Variants in ESCO1 observed in about 807,000 individuals in gnomAD.
ESCO1 encodes the protein establishment of sister chromatid cohesion N-acetyltransferase 1.
Under a neutral mutation model 83.5 loss-of-function variants are expected in ESCO1, and 33 were observed. The ratio of observed to expected loss-of-function variants is 0.40; its 90% CI spans 0.30 to 0.53. The LOEUF (loss-of-function observed/expected upper bound fraction) is 0.53. ESCO1 is among the 20% of genes least tolerant of loss of function. ESCO1 has a pLI of 0.63. For synonymous variants in ESCO1, 332 were observed against 324.3 expected (o/e 1.02, Z -0.25); for missense variants, 855 against 968.0 (o/e 0.88, Z 1.55).
At chr18:21,585,626 C>G (rs1039835802) in intron 1 of ESCO1, among the ~76,000 whole-genome samples, 2 of 152,020 alleles carry the variant, frequency 1.3e-5, no homozygotes, top group African/African-American at 2.4e-5. Flanking sequence ...CTTTGCTACT[C>G]TTTTTCTTTT....
chr18:21,586,404 C>A (rs1255004713), intron 1 of ESCO1, among the ~76,000 whole-genome samples: 1 of 152,204 alleles, frequency 6.6e-6, no homozygotes, highest in Non-Finnish European at 1.5e-5. Flanking sequence ...CACATTTTAT[C>A]CATTCATCTG....
At chr18:21,573,291 T>C in intron 4 of ESCO1, 23 bp downstream of exon 4, 1 of 1,533,734 alleles carries the variant, frequency 6.5e-7, no homozygotes, top group Non-Finnish European at 8.7e-7. Flanking sequence ...GCACCTCTAT[T>C]GTGCATAATA....
rs762874098 is a variant in ESCO1, at chr18:21,574,433, G to A, written c.411C>T (p.Arg137=). The A allele has an allele frequency of 3.1e-6, 5 of 1,614,074 alleles. No individual in the cohort carries two copies. In the South Asian group the frequency reaches 4.4e-5, roughly 14 times the overall value. Reference sequence around the variant, plus strand: ...GAACTTGACCCTGAATTTCTCTACTGCGTAACGACCTTCTTGAAACCTCTG... The same window carrying A: ...GAACTTGACCCTGAATTTCTCTACTACGTAACGACCTTCTTGAAACCTCTG... ...QLTEVSRRSL[R]SREIQGQVQA... Residue 137 remains arginine, a synonymous_variant, in exon 4 of 12, where the codon CGC becomes CGT. Transcript: ENST00000269214.
At chr18:21,598,939 A>T (rs2038801942) in intron 1 of ESCO1, among the ~76,000 whole-genome samples, 1 of 152,010 alleles carries the variant, frequency 6.6e-6, no homozygotes, top group Admixed American at 6.6e-5. Flanking sequence ...TCATTTCCTC[A>T]CATGCTCTAG....
At chr18:21,560,809 C>T (rs749403931) in intron 8 of ESCO1, 50 bp downstream of exon 8, 9 of 1,580,288 alleles carry the variant, frequency 5.7e-6, no homozygotes, top group Middle Eastern at 2.0e-4. Context: ...ATTAAGAGAC[C>T]GACCTAATTA....
intron 11 of ESCO1, among the ~76,000 whole-genome samples, chr18:21,531,401 A>C (rs969478267): frequency 1.3e-5 from 2 of 152,180 alleles, no homozygotes; most frequent in Admixed American, 6.5e-5. Context: ...GCACCACTGC[A>C]CTCCAGCCTG....
intron 4 of ESCO1, 53 bp from the exon 5 acceptor site, chr18:21,568,147 A>C: frequency 7.5e-7 from 1 of 1,341,288 alleles, no homozygotes; most frequent in African/African-American, 1.5e-5. Flanking sequence ...TTATCTAAAT[A>C]AACTTTCAGT....
At chr18:21,544,270 A>T (rs9957194) in intron 8 of ESCO1, among the ~76,000 whole-genome samples, 121,504 of 151,454 alleles carry the variant, frequency 0.8, 48,938 homozygotes, top group East Asian at 0.98. Flanking sequence ...CGAGACTCCA[A>T]CTCAAAACAA....
chr18:21,554,651 T>C (rs2038089467), intron 8 of ESCO1, among the ~76,000 whole-genome samples: 2 of 152,138 alleles, frequency 1.3e-5, no homozygotes, highest in Admixed American at 1.3e-4. Flanking sequence ...GGCTCACACC[T>C]GGAATCTCGG....
intron 8 of ESCO1, among the ~76,000 whole-genome samples, chr18:21,553,131 A>C (rs778080126): frequency 2.7e-4 from 41 of 152,050 alleles, no homozygotes; most frequent in Non-Finnish European, 5.6e-4. Context: ...CTCTACAAAA[A>C]ATTAAAAAAT....
chr18:21,579,723 C>T (rs529068661), intron 2 of ESCO1, among the ~76,000 whole-genome samples: 6 of 148,888 alleles, frequency 4.0e-5, no homozygotes, highest in Admixed American at 3.4e-4. Flanking sequence ...AGTGAGCCGA[C>T]ATCACGCCAC....
At chr18:21,543,143 AATT>A (rs778721145) in intron 8 of ESCO1, among the ~76,000 whole-genome samples, 2 of 152,094 alleles carry the variant, frequency 1.3e-5, no homozygotes, top group South Asian at 4.1e-4. Context: ...AACAGCAAGA[AATT>A]ATTATTATTT....
chr18:21,581,800 T>C (rs923048831), intron 2 of ESCO1, among the ~76,000 whole-genome samples: 14 of 152,132 alleles, frequency 9.2e-5, no homozygotes, highest in Admixed American at 7.2e-4. Flanking sequence ...GGAGGATTGC[T>C]TGAGCCCAGG....
At chr18:21,540,495 C>T (rs1005058575) in intron 8 of ESCO1, 23 of 1,087,800 alleles carry the variant, frequency 2.1e-5, no homozygotes, top group Non-Finnish European at 2.6e-5. Context: ...CATGCAGTAG[C>T]CCAGTATGAA....
At chr18:21,597,510 T>A (rs534363413) in intron 1 of ESCO1, among the ~76,000 whole-genome samples, 159 of 151,182 alleles carry the variant, frequency 1.1e-3, no homozygotes, top group Non-Finnish European at 1.6e-3. Flanking sequence ...AAAAAAAAAA[T>A]TTAATTAAAA....
At chr18:21,538,254 C>T (rs1156387806) in intron 9 of ESCO1, among the ~76,000 whole-genome samples, 1 of 119,228 alleles carries the variant, frequency 8.4e-6, no homozygotes, top group Non-Finnish European at 1.7e-5. Flanking sequence ...GAGTTCAAGA[C>T]AAGCCTGGGC....
chr18:21,596,396 C>G (rs1263668678), intron 1 of ESCO1, among the ~76,000 whole-genome samples: 2 of 152,132 alleles, frequency 1.3e-5, no homozygotes, highest in Admixed American at 1.3e-4. Context: ...GAGTTTTTAT[C>G]TGTGAGAATC....
intron 8 of ESCO1, among the ~76,000 whole-genome samples, chr18:21,548,084 A>G (rs1287725685): frequency 6.6e-6 from 1 of 152,172 alleles, no homozygotes; most frequent in Admixed American, 6.5e-5. Context: ...CCAGGCCAAC[A>G]GAGCAAGACT....
rs938242160 is a variant in ESCO1 at position 21,564,100 on chromosome 18, T to C, written c.1821+103A>G. ...GAACCACAAGCCAAATAAACCTCTT[T>C]TCTATAAAAATTACCAACCTCAGAT... On this transcript the variant is annotated intron_variant, in intron 7 of 11. Coordinates refer to ENST00000269214, the MANE Select transcript of ESCO1 (RefSeq NM_052911.3). 4 of 778,508 alleles carry C rather than the reference T, an allele frequency of 5.1e-6. No individual in the cohort carries two copies. In the African/African-American group the frequency reaches 7.2e-5, roughly 14 times the overall value. 48.2% of individuals were successfully genotyped at this position (778,508 alleles called of 1,614,324 possible). A position where few individuals can be genotyped will look rare whatever the true frequency, so the allele number is the denominator to read the frequency against.
Sources: gnomAD v4.1 joint callset for allele counts (sites outside exome capture counted in the v4.1 genomes callset) on GRCh38, gnomAD v4.1.1 for gene constraint, MANE v1.5 for transcripts, NCBI Gene and HGNC (gene_info 2026-07-23, HGNC 2026-07-21) for gene names.